The following B3GNT2 variants were observed in gnomAD, a reference collection of about 807,000 sequenced individuals.
B3GNT2 encodes the protein N-acetyllactosaminide beta-1,3-N-acetylglucosaminyltransferase 2.
B3GNT2 carries 12 observed loss-of-function variants against 27.6 expected under a neutral mutation model. That is an observed-to-expected ratio of 0.44 (90% CI 0.28 to 0.71). The LOEUF (loss-of-function observed/expected upper bound fraction) is 0.71, where lower values mean the gene tolerates loss of function less well. Among genes scored for constraint, B3GNT2 ranks in the 30% least tolerant of loss-of-function variants. B3GNT2 has a pLI of 0.17. For synonymous variants in B3GNT2, 192 were observed against 189.7 expected, an observed-to-expected ratio of 1.01 and a Z score of -0.10; for missense variants, 413 against 488.5, an observed-to-expected ratio of 0.85 and a Z score of 1.46.
chr2:62,209,964 C>T (rs1205628698), intron 1 of B3GNT2, among the ~76,000 whole-genome samples: 2 of 152,114 alleles, frequency 1.3e-5, no homozygotes, highest in South Asian at 2.1e-4. Context: ...GCCTATGGTG[C>T]GGAAGTGTTA....
intron 1 of B3GNT2, among the ~76,000 whole-genome samples, chr2:62,202,241 A>G (rs1256681686): frequency 1.3e-5 from 2 of 152,212 alleles, no homozygotes; most frequent in Non-Finnish European, 1.5e-5. Context: ...GTGTAAGCCA[A>G]TTATGTGTTG....
chr2:62,217,260 T>C (rs1412843857), intron 1 of B3GNT2, among the ~76,000 whole-genome samples: 6 of 152,224 alleles, frequency 3.9e-5, no homozygotes, highest in African/African-American at 1.4e-4. Flanking sequence ...GCTTCCGTGA[T>C]TGTGTGATGG....
intron 1 of B3GNT2, among the ~76,000 whole-genome samples, chr2:62,199,716 C>T (rs1674223820): frequency 6.6e-6 from 1 of 152,206 alleles, no homozygotes; most frequent in South Asian, 2.1e-4. Context: ...TGGCTGCATC[C>T]AGTAAAGAAA....
chr2:62,216,829 A>G (rs1674584714), intron 1 of B3GNT2, among the ~76,000 whole-genome samples: 2 of 152,230 alleles, frequency 1.3e-5, no homozygotes, highest in Admixed American at 1.3e-4. Context: ...GTCTTGAGAA[A>G]TTGGCTTCCC....
At chr2:62,203,542 T>A (rs1396296753) in intron 1 of B3GNT2, among the ~76,000 whole-genome samples, 1 of 151,900 alleles carries the variant, frequency 6.6e-6, no homozygotes, top group Non-Finnish European at 1.5e-5. Context: ...GGGGTAGACA[T>A]GGTGGCCAGC....
chr2:62,217,411 A>G (rs1339616043), intron 1 of B3GNT2, among the ~76,000 whole-genome samples: 1 of 152,172 alleles, frequency 6.6e-6, no homozygotes, highest in Non-Finnish European at 1.5e-5. Flanking sequence ...CGAAATAAGC[A>G]GTGGGAATTT....
chr2:62,216,377 G>C (rs1674572299), intron 1 of B3GNT2, among the ~76,000 whole-genome samples: 1 of 151,764 alleles, frequency 6.6e-6, no homozygotes. Context: ...GCCTGGGGGA[G>C]GAGGGATCAT....
At chr2:62,204,102 C>T (rs1248087304) in intron 1 of B3GNT2, among the ~76,000 whole-genome samples, 1 of 152,202 alleles carries the variant, frequency 6.6e-6, no homozygotes, top group African/African-American at 2.4e-5. Context: ...CCTTGGCTCA[C>T]TGCAACCTCT....
intron 1 of B3GNT2, among the ~76,000 whole-genome samples, chr2:62,216,456 A>C (rs1674574536): frequency 6.6e-6 from 1 of 151,244 alleles, no homozygotes; most frequent in Non-Finnish European, 1.5e-5. Flanking sequence ...CTCAGCCTGG[A>C]GTACGGTGGT....
chr2:62,200,102 TGC>T (rs1674237299), intron 1 of B3GNT2, among the ~76,000 whole-genome samples: 1 of 152,252 alleles, frequency 6.6e-6, no homozygotes, highest in African/African-American at 2.4e-5. Flanking sequence ...CTCTGTGTGT[TGC>T]CCTGTGAGTA....
At chr2:62,209,547 G>T (rs1163166829) in intron 1 of B3GNT2, among the ~76,000 whole-genome samples, 4 of 152,188 alleles carry the variant, frequency 2.6e-5, no homozygotes, top group African/African-American at 9.7e-5. Flanking sequence ...TGGTGGCTGA[G>T]GTGAGAGGAT....
chr2:62,212,070 C>T (rs1674490799), intron 1 of B3GNT2, among the ~76,000 whole-genome samples: 1 of 152,196 alleles, frequency 6.6e-6, no homozygotes, highest in Non-Finnish European at 1.5e-5. Flanking sequence ...CTTCCTGCTC[C>T]AAATTCACCC....
At chr2:62,199,737 C>G (rs1674224092) in intron 1 of B3GNT2, among the ~76,000 whole-genome samples, 1 of 152,274 alleles carries the variant, frequency 6.6e-6, no homozygotes, top group Admixed American at 6.5e-5. Context: ...ACAGCACAAA[C>G]ACCCAAAAGG....
At chr2:62,211,609 C>T (rs368746881) in intron 1 of B3GNT2, among the ~76,000 whole-genome samples, 4 of 152,276 alleles carry the variant, frequency 2.6e-5, no homozygotes, top group African/African-American at 9.6e-5. Flanking sequence ...GTAGAGGGGA[C>T]AGGAAAGAAA....
chr2:62,210,011 T>C (rs1674450854), intron 1 of B3GNT2, among the ~76,000 whole-genome samples: 1 of 152,198 alleles, frequency 6.6e-6, no homozygotes, highest in Admixed American at 6.5e-5. Flanking sequence ...AACCATTGGG[T>C]GATTCCCGAC....
chr2:62,216,003 G>T lies in B3GNT2; in HGVS notation c.-9-6209G>T, dbSNP rs554471399. Among the ~76,000 whole-genome samples, 3 of 152,298 alleles carry T rather than the reference G, an allele frequency of 2.0e-5. No individual in the cohort carries two copies. The South Asian group carries it at 6.2e-4, about 32-fold the overall frequency. ...TGGGTCTGGCTTGTACGTATTGCTC[G>T]TTCTGTCCCTGGCTAGTTACTGTCG... On this transcript the variant is annotated intron_variant, in intron 1 of 1. Transcript: ENST00000301998.
intron 1 of B3GNT2, among the ~76,000 whole-genome samples, chr2:62,207,341 T>G (rs780448876): frequency 6.6e-6 from 1 of 152,138 alleles, no homozygotes; most frequent in Admixed American, 6.5e-5. Context: ...CAGGCCACCA[T>G]GCCCAGCTAA....
chr2:62,223,672 T>C lies in B3GNT2; in HGVS notation c.*258T>C. 5.8e-6 allele frequency: 2 copies of C among 344,968 alleles called. No homozygotes were observed. Among genetic ancestry groups the C allele is most frequent in the East Asian group, 1.1e-4 (2 of 18,510 alleles). The allele number at this position is 344,968 out of a possible 1,614,324, so 21.4% of individuals were successfully genotyped here. ...CTAGTGGTCATTTTTAAAAAACTTG[T>C]ACCCTCTTATCTGAAATCCTGTTTC... On this transcript the variant is annotated 3_prime_UTR_variant, in exon 2 of 2. Coordinates refer to ENST00000301998, the MANE Select transcript of B3GNT2 (RefSeq NM_006577.6).
At chr2:62,198,887 TAAAAG>T (rs1219536852) in intron 1 of B3GNT2, among the ~76,000 whole-genome samples, 2 of 152,206 alleles carry the variant, frequency 1.3e-5, no homozygotes, top group East Asian at 3.9e-4. Context: ...GATGCAGGGA[TAAAAG>T]AAAAGGTGAA....
Sources: allele counts gnomAD v4.1 joint callset (sites outside exome capture counted in the v4.1 genomes callset), GRCh38; gene constraint gnomAD v4.1.1; transcripts MANE v1.5; gene names NCBI Gene and HGNC (gene_info 2026-07-23, HGNC 2026-07-21).